CD1B: variants seen among roughly 807,000 people sequenced by gnomAD.
CD1B encodes T-cell surface glycoprotein CD1b.
CD1B carries 43 observed loss-of-function variants against 39.8 expected under a neutral mutation model. The ratio of observed to expected loss-of-function variants is 1.08; its 90% CI spans 0.85 to 1.39. The LOEUF is 1.39. Ranked by LOEUF, CD1B falls within the 40% of genes most tolerant of loss-of-function variation. CD1B has a pLI of 0.00. For missense variants in CD1B, 495 were observed against 403.8 expected (o/e 1.23, Z -1.94); for synonymous variants, 192 against 152.5 (o/e 1.26, Z -1.91).
chr1:158,314,643 TTTTTTTTA>T, the CD1B span, among the ~76,000 whole-genome samples: 1,820 of 151,476 alleles, frequency 0.012, 34 homozygotes, highest in African/African-American at 0.041. Flanking sequence ...TTTTGTTTTG[TTTTTTTTA>T]TTTTTTTATT....
At chr1:158,308,188 G>A in the CD1B span, among the ~76,000 whole-genome samples, 76,975 of 151,192 alleles carry the variant, frequency 0.51, 21,750 homozygotes, top group East Asian at 0.75. Flanking sequence ...TTACACACCA[G>A]TAACAGACAG....
At chr1:158,319,934 G>C in the CD1B span, among the ~76,000 whole-genome samples, 1 of 152,110 alleles carries the variant, frequency 6.6e-6, no homozygotes, top group Admixed American at 6.5e-5. Context: ...TGAGGTGTCA[G>C]TGTGCCCCTG....
chr1:158,298,979 C>T, the CD1B span, among the ~76,000 whole-genome samples: 2 of 152,168 alleles, frequency 1.3e-5, no homozygotes, highest in African/African-American at 4.8e-5. Context: ...AATTTGACTT[C>T]CTCTGTTCCT....
intron 5 of CD1B, 53 bp from the exon 6 acceptor site, chr1:158,328,310 C>A: frequency 7.0e-7 from 1 of 1,421,148 alleles, no homozygotes. Flanking sequence ...TTTGTACACC[C>A]ATGCTCATAG....
chr1:158,293,218 A>T, the CD1B span: 1 of 1,612,862 alleles, frequency 6.2e-7, no homozygotes, highest in Non-Finnish European at 8.5e-7. Context: ...GCAGGACACC[A>T]CTTTTCCATG....
chr1:158,314,193 T>C, the CD1B span, among the ~76,000 whole-genome samples: 21 of 152,182 alleles, frequency 1.4e-4, no homozygotes, highest in Non-Finnish European at 2.4e-4. Context: ...CAAGTGATTC[T>C]CCTGATTCAG....
At chr1:158,320,380 G>GT in the CD1B span, among the ~76,000 whole-genome samples, 1 of 152,294 alleles carries the variant, frequency 6.6e-6, no homozygotes, top group Non-Finnish European at 1.5e-5. Context: ...TTTTAAGTCC[G>GT]TTGGAAAAGC....
the CD1B span, chr1:158,292,348 T>C: frequency 1.2e-6 from 2 of 1,613,916 alleles, no homozygotes; most frequent in Non-Finnish European, 1.7e-6. Context: ...GCAGGGAAGA[T>C]GTATGTACAC....
At chr1:158,313,769 G>T in the CD1B span, among the ~76,000 whole-genome samples, 3 of 152,252 alleles carry the variant, frequency 2.0e-5, no homozygotes, top group South Asian at 6.2e-4. Context: ...ATATTTGGTA[G>T]AATTCAGCAG....
At chr1:158,305,671 C>G in the CD1B span, among the ~76,000 whole-genome samples, 1 of 152,188 alleles carries the variant, frequency 6.6e-6, no homozygotes, top group South Asian at 2.1e-4. Context: ...ATGTTAAGGG[C>G]AGCCAGAGAG....
chr1:158,314,404 C>T, the CD1B span, among the ~76,000 whole-genome samples: 31 of 152,148 alleles, frequency 2.0e-4, no homozygotes, highest in South Asian at 6.2e-4. Context: ...TTTGAAAAAA[C>T]GAAGTCTTCT....
chr1:158,316,844 T>C, the CD1B span, among the ~76,000 whole-genome samples: 1 of 152,102 alleles, frequency 6.6e-6, no homozygotes, highest in East Asian at 1.9e-4. Context: ...CAATACCTAA[T>C]TTATTGAGAG....
At chr1:158,307,515 G>T in the CD1B span, among the ~76,000 whole-genome samples, 5 of 152,094 alleles carry the variant, frequency 3.3e-5, no homozygotes, top group African/African-American at 1.2e-4. Context: ...ACAAGGAGGA[G>T]CTGGTACCAT....
the CD1B span, chr1:158,291,012 A>T: frequency 2.0e-6 from 2 of 1,004,400 alleles, no homozygotes; most frequent in Non-Finnish European, 1.4e-6. Context: ...GGAAAATGGT[A>T]TAGCTAAAGT....
At chr1:158,329,297 T>C in intron 4 of CD1B, 73 bp downstream of exon 4, 2 of 1,533,456 alleles carry the variant, frequency 1.3e-6, no homozygotes, top group South Asian at 2.5e-5. Context: ...AGCTCTATCC[T>C]TCCCCAGTGC....
the CD1B span, among the ~76,000 whole-genome samples, chr1:158,299,058 A>G: frequency 6.6e-6 from 1 of 152,154 alleles, no homozygotes; most frequent in African/African-American, 2.4e-5. Context: ...TATGTTGAAT[A>G]GGAGTGGTGA....
chr1:158,324,959 A>G (rs544339134), downstream of CD1B, among the ~76,000 whole-genome samples: 5 of 152,318 alleles, frequency 3.3e-5, no homozygotes, highest in East Asian at 3.9e-4. Flanking sequence ...AGCATTTCAA[A>G]TAAGCTGAAA....
At chr1:158,286,075 C>T in the CD1B span, among the ~76,000 whole-genome samples, 1 of 152,058 alleles carries the variant, frequency 6.6e-6, no homozygotes, top group African/African-American at 2.4e-5. Context: ...AGGGAAGTGA[C>T]AGGCAAGAAG....
chr1:158,316,122 G>A, the CD1B span, among the ~76,000 whole-genome samples: 2 of 151,910 alleles, frequency 1.3e-5, no homozygotes, highest in Non-Finnish European at 2.9e-5. Context: ...TTTGGCTTAC[G>A]ATTGACTTGG....
Sources: allele counts gnomAD v4.1 joint callset (sites outside exome capture counted in the v4.1 genomes callset), GRCh38; gene constraint gnomAD v4.1.1; transcripts MANE v1.5; gene names NCBI Gene and HGNC (gene_info 2026-07-23, HGNC 2026-07-21).